The following CFAP92 variants were observed in gnomAD, a reference collection of about 807,000 sequenced individuals.
CFAP92 encodes cilia and flagella associated protein 92 (putative).
CFAP92 carries 86 observed loss-of-function variants against 106.3 expected under a neutral mutation model. The observed-to-expected ratio is 0.81, with a 90% CI of 0.68 to 0.97. CFAP92 has a LOEUF of 0.97. Ranked by LOEUF, CFAP92 falls within the 50% of genes least tolerant of loss-of-function variation. The pLI, the probability that CFAP92 is intolerant of heterozygous loss-of-function variation, is 0.00. For synonymous variants in CFAP92, 477 were observed against 506.4 expected (o/e 0.94, Z 0.78); for missense variants, 1,204 against 1,283.8 (o/e 0.94, Z 0.95).
the CFAP92 span, among the ~76,000 whole-genome samples, chr3:129,014,392 G>C: frequency 6.6e-6 from 1 of 152,180 alleles, no homozygotes; most frequent in East Asian, 1.9e-4. This position sits in a 1 kb window ranked among gnomAD's most constrained non-coding sequence, Gnocchi z 4.3. Flanking sequence ...GTGTCGCAGC[G>C]TTGGCTTCTC....
At chr3:128,929,901 T>C (rs573650949) in intron 12 of CFAP92, among the ~76,000 whole-genome samples, 1 of 152,298 alleles carries the variant, frequency 6.6e-6, no homozygotes, top group African/African-American at 2.4e-5. Flanking sequence ...ATACTTACAA[T>C]AGGTGAATTT....
At chr3:128,965,145 C>A (rs1426407498) in intron 9 of CFAP92, among the ~76,000 whole-genome samples, 1 of 152,168 alleles carries the variant, frequency 6.6e-6, no homozygotes. Flanking sequence ...ATCTCCCCCA[C>A]CCTTAAGAAG....
Position 128,945,729 on chromosome 3 carries a change from C to T in CFAP92, c.1600G>A (p.Asp534Asn), listed in dbSNP as rs1318300441. The change falls in exon 10 of 16, where the codon GAT (aspartate) becomes AAT (asparagine). Residue 534 changes from aspartate to asparagine, a missense_variant. Transcript: ENST00000645291. ...AGGGCCTGGAAGTTGAGGTATGAAT[C>T]CAGAGGGTCCTCCCCAAACAGCACG... ...KPVLFGEDPL[D>N]SYLNFQALIS... is the part of the protein sequence containing the mutation. 25 of 1,535,836 alleles carry T rather than the reference C, an allele frequency of 1.6e-5. No individual in the cohort carries two copies. The highest frequency in any genetic ancestry group is 2.1e-5 in the Non-Finnish European group (24 of 1,146,872).
chr3:128,983,559 G>A (rs888310958), intron 4 of CFAP92, among the ~76,000 whole-genome samples: 2 of 152,148 alleles, frequency 1.3e-5, no homozygotes, highest in South Asian at 4.1e-4. Flanking sequence ...CAGCCACCAA[G>A]AATGGGTAGG....
At chr3:128,923,350 A>T (rs1937457549) in intron 12 of CFAP92, among the ~76,000 whole-genome samples, 1 of 152,230 alleles carries the variant, frequency 6.6e-6, no homozygotes, top group South Asian at 2.1e-4. Context: ...CAAGAAAACC[A>T]CACAGGAAGC....
chr3:129,014,392 G>A, the CFAP92 span, among the ~76,000 whole-genome samples: 6 of 152,180 alleles, frequency 3.9e-5, no homozygotes, highest in South Asian at 2.1e-4. The surrounding 1 kb of genome is among the most constrained non-coding windows in gnomAD (Gnocchi z 4.3). Context: ...GTGTCGCAGC[G>A]TTGGCTTCTC....
chr3:128,921,695 C>A (rs1937299398), intron 12 of CFAP92, among the ~76,000 whole-genome samples: 1 of 152,182 alleles, frequency 6.6e-6, no homozygotes, highest in African/African-American at 2.4e-5. Flanking sequence ...GTAAGAAAGG[C>A]AATCACTGGG....
upstream of CFAP92, chr3:129,004,135 A>G (rs905968916): frequency 1.1e-5 from 16 of 1,401,892 alleles, no homozygotes; most frequent in African/African-American, 4.5e-5. Context: ...CATTTTCCCA[A>G]ACTTCGGGTG....
chr3:129,003,301 C>T, upstream of CFAP92: 2 of 984,992 alleles, frequency 2.0e-6, no homozygotes, highest in Non-Finnish European at 2.4e-6. Context: ...ATTTATTGAG[C>T]ACCTACTATG....
chr3:128,997,417 T>A (rs1944521870), upstream of CFAP92, among the ~76,000 whole-genome samples: 1 of 152,258 alleles, frequency 6.6e-6, no homozygotes, highest in Admixed American at 6.5e-5. Flanking sequence ...AAATTCATTT[T>A]AGAACATTTT....
At chr3:128,946,183 G>C (rs1462610203) in intron 9 of CFAP92, among the ~76,000 whole-genome samples, 1 of 152,032 alleles carries the variant, frequency 6.6e-6, no homozygotes, top group Non-Finnish European at 1.5e-5. Flanking sequence ...CCAGGATGGC[G>C]ACTGGCATGA....
chr3:129,001,976 G>C (rs576265657), intron 1 of CFAP92: 2 of 1,545,250 alleles, frequency 1.3e-6, no homozygotes, highest in Non-Finnish European at 1.7e-6. Context: ...CGGCCGCTGA[G>C]TTGGCCACGG....
At chr3:128,969,422 A>AT (rs1482472685) in intron 8 of CFAP92, 1 of 152,330 alleles carries the variant, frequency 6.6e-6, no homozygotes, top group East Asian at 1.9e-4. Context: ...AAATACAAAA[A>AT]TTAGCCTGGC....
chr3:128,949,745 G>A lies in CFAP92; in HGVS notation c.1354-3770C>T, dbSNP rs531725664. On this transcript the variant is annotated intron_variant, in intron 9 of 15. Transcript: ENST00000645291. ...CTCATAGCCCAGGCTGGAGTGCAAT[G>A]GCGCGATCTTGGCTCACGGCAACCT... Among the ~76,000 whole-genome samples the A allele has an allele frequency of 7.5e-4, 114 of 152,310 alleles. 1 individual carries two copies. Among genetic ancestry groups the A allele is most frequent in the South Asian group, 1.5e-3 (7 of 4,826 alleles).
At chr3:129,002,437 C>T in intron 1 of CFAP92, 3 of 1,401,976 alleles carry the variant, frequency 2.1e-6, no homozygotes, top group Admixed American at 3.1e-5. Flanking sequence ...AGACAGAGGG[C>T]AGCCCCACAC....
chr3:128,919,224 G>A (rs550860656), intron 12 of CFAP92, among the ~76,000 whole-genome samples: 5 of 151,760 alleles, frequency 3.3e-5, no homozygotes, highest in South Asian at 4.2e-4. Context: ...GATTACAGGC[G>A]TGAGCCACTG....
intron 10 of CFAP92, among the ~76,000 whole-genome samples, chr3:128,938,408 C>G (rs1249977721): frequency 6.6e-6 from 1 of 151,768 alleles, no homozygotes; most frequent in Non-Finnish European, 1.5e-5. Context: ...AACCCTACAC[C>G]TAACATCATA....
At chr3:128,969,825 C>G (rs1043052674) in intron 8 of CFAP92, 1 of 152,166 alleles carries the variant, frequency 6.6e-6, no homozygotes, top group African/African-American at 2.4e-5. Context: ...CAGGCTGGAG[C>G]GTGGGGTGGG....
chr3:128,998,706 C>T (rs1029390893), upstream of CFAP92, among the ~76,000 whole-genome samples: 1 of 152,166 alleles, frequency 6.6e-6, no homozygotes, highest in Admixed American at 6.5e-5. Context: ...TATAGTTCAT[C>T]CCCAGGGAGC....
Sources: allele counts gnomAD v4.1 joint callset (sites outside exome capture counted in the v4.1 genomes callset), GRCh38; gene constraint gnomAD v4.1.1; non-coding constraint Gnocchi (gnomAD v3.1); transcripts MANE v1.5; gene names NCBI Gene and HGNC (gene_info 2026-07-23, HGNC 2026-07-21).